The following ZNF708 variants were observed in gnomAD, a reference collection of about 807,000 sequenced individuals.
The protein encoded by ZNF708 is zinc finger protein 708.
Under a neutral mutation model 47.0 loss-of-function variants are expected in ZNF708, and 44 were observed. The observed-to-expected ratio is 0.94, with a 90% CI of 0.74 to 1.20. The LOEUF (loss-of-function observed/expected upper bound fraction) is 1.20. ZNF708 is among the 50% of genes most tolerant of loss of function. The pLI, the probability that ZNF708 is intolerant of heterozygous loss-of-function variation, is 0.00. For missense variants in ZNF708, 557 were observed against 656.0 expected (o/e 0.85, Z 1.65); for synonymous variants, 184 against 218.5 (o/e 0.84, Z 1.39).
intron 3 of ZNF708, among the ~76,000 whole-genome samples, chr19:21,301,622 A>AAAAC (rs1326180253): frequency 6.6e-6 from 1 of 151,220 alleles, no homozygotes; most frequent in South Asian, 2.1e-4. Flanking sequence ...TCTCAAAAAT[A>AAAAC]AAACAAACAA....
intron 3 of ZNF708, among the ~76,000 whole-genome samples, chr19:21,295,115 T>A (rs1176251004): frequency 6.8e-6 from 1 of 147,994 alleles, no homozygotes; most frequent in African/African-American, 2.5e-5. Context: ...CACATACATC[T>A]TTATTTCTGG....
At chr19:21,322,869 G>C (rs1973180271) in intron 1 of ZNF708, among the ~76,000 whole-genome samples, 1 of 152,182 alleles carries the variant, frequency 6.6e-6, no homozygotes, top group African/African-American at 2.4e-5. Context: ...CCCTGACTCA[G>C]TCCCACACTG....
At chr19:21,317,288 C>CA (rs1973035984) in intron 1 of ZNF708, among the ~76,000 whole-genome samples, 7 of 151,962 alleles carry the variant, frequency 4.6e-5, no homozygotes, top group Admixed American at 4.6e-4. Flanking sequence ...TCAACAACAA[C>CA]AAAAAAGTCA....
At chr19:21,321,383 T>A (rs1183396927) in intron 1 of ZNF708, among the ~76,000 whole-genome samples, 1 of 151,452 alleles carries the variant, frequency 6.6e-6, no homozygotes, top group Non-Finnish European at 1.5e-5. Flanking sequence ...AGGTCAGGAG[T>A]TCGAGACCAG....
intron 3 of ZNF708, among the ~76,000 whole-genome samples, chr19:21,299,049 GT>G (rs1365148222): frequency 6.6e-6 from 1 of 152,190 alleles, no homozygotes; most frequent in Admixed American, 6.6e-5. Context: ...GGAATAATTG[GT>G]AGTTGTTTAA....
rs564329786 is a variant in ZNF708 at position 21,293,423 on chromosome 19, G to A, written c.1543C>T (p.Gln515Ter). 1 of 1,608,212 alleles carries A rather than the reference G, an allele frequency of 6.2e-7. No homozygotes were observed. Among genetic ancestry groups the A allele is most frequent in the East Asian group, 2.3e-5 (1 of 44,344 alleles). ...TTATGTTTCATAAGGGTTGAGGACT[G>A]GTTAAAAGCTTTGCCACATTCTTTA... ...KCKECGKAFNQSSTLMKHKII... is the reference protein window; with the variant it reads ...KCKECGKAFN Residue 515 changes from glutamine (Q) to a stop codon, truncating the protein, a stop_gained, in exon 4 of 4, where the codon CAG (glutamine) becomes TAG (stop). Transcript: ENST00000356929. LOFTEE classifies it high-confidence loss of function.
In ZNF708 at chr19:21,294,298, G is replaced by T; in HGVS notation, c.668C>A (p.Pro223His). ...NHKIIHTGEK[P>H]YKCEECGKAF... ...TTTTCCACATTCTTCACATTTGTAG[G>T]GTTTCTCTCCAGTATGAATTATCTT... The change falls in exon 4 of 4, where the codon CCC (proline) becomes CAC (histidine). Residue 223 changes from proline to histidine, a missense_variant. Coordinates refer to ENST00000356929, the MANE Select transcript of ZNF708 (RefSeq NM_021269.3). 1 of 1,612,738 alleles carries T rather than the reference G, an allele frequency of 6.2e-7. No homozygotes were observed. The highest frequency in any genetic ancestry group is 8.5e-7 in the Non-Finnish European group (1 of 1,179,768).
Position 21,293,608 on chromosome 19 carries a change from C to T in ZNF708, c.1358G>A (p.Cys453Tyr). ...TGAGGAGTAGTTAAAAGTTTTGCCA[C>T]ATTCTTCACATTTGTAGGGTTTGTC... Reference protein sequence around the residue: ...TEDKPYKCEECGKTFNYSSNF... With the variant: ...TEDKPYKCEEYGKTFNYSSNF... The change falls in exon 4 of 4, where the codon TGT becomes TAT. Residue 453 changes from cysteine to tyrosine, a missense_variant. By Grantham distance (194) the Cys-to-Tyr change is radical. Coordinates refer to ENST00000356929, the MANE Select transcript of ZNF708 (RefSeq NM_021269.3). 1 of 1,612,572 alleles carries T rather than the reference C, an allele frequency of 6.2e-7. No homozygotes were observed. The highest frequency in any genetic ancestry group is 8.5e-7 in the Non-Finnish European group (1 of 1,179,736).
chr19:21,294,576 C>T lies in ZNF708; in HGVS notation c.390G>A (p.Arg130=), dbSNP rs780740020. Residue 130 remains arginine (R), a synonymous_variant, in exon 4 of 4, where the codon CGG becomes CGA. Transcript: ENST00000356929. The part of the protein sequence containing the change: ...LHKGGHKGLN[R]CVTTTQSKIV... ...TTTTGCTCTGGGTAGTTGTCACACA[C>T]CGGTTAAGTCCCTTGTGACCTCCTT... 1.2e-5 allele frequency: 20 copies of T among 1,613,938 alleles called. No individual in the cohort carries two copies. The highest frequency in any genetic ancestry group is 2.2e-5 in the East Asian group (1 of 44,876).
At chr19:21,308,372 C>T (rs753923826) in intron 3 of ZNF708, among the ~76,000 whole-genome samples, 6 of 151,904 alleles carry the variant, frequency 3.9e-5, no homozygotes, top group South Asian at 2.1e-4. Context: ...CTCTGCCTCC[C>T]GGGTTCAAGC....
intron 3 of ZNF708, among the ~76,000 whole-genome samples, chr19:21,303,596 T>C (rs1972700997): frequency 6.6e-6 from 1 of 151,160 alleles, no homozygotes; most frequent in Non-Finnish European, 1.5e-5. Context: ...TAAATAAAAT[T>C]ATAAAAAAGA....
chr19:21,307,025 CAT>C (rs1313805254), intron 3 of ZNF708: 3 of 128,108 alleles, frequency 2.3e-5, no homozygotes, highest in Non-Finnish European at 5.1e-5. Context: ...CATAACATAA[CAT>C]AACATACATA....
intron 3 of ZNF708, among the ~76,000 whole-genome samples, chr19:21,307,153 TATAATATAAA>T (rs151297316): frequency 0.21 from 28,561 of 138,984 alleles, 2,891 homozygotes; most frequent in South Asian, 0.3. Context: ...TAAAATAAAA[TATAATATAAA>T]ATAAAATAAA....
At position 21,300,461 on chromosome 19, in the gene ZNF708, G is replaced by A. The variant is rs1448195712; in HGVS notation, c.227-5722C>T. ...GCGGAGGTTGCGGTGAGCTGAGATCGCACCATTGCACTCCAGCCTGGACAA... is the reference window on the plus strand; with the variant it reads ...GCGGAGGTTGCGGTGAGCTGAGATCACACCATTGCACTCCAGCCTGGACAA... On this transcript the variant is annotated intron_variant, in intron 3 of 3. Coordinates refer to ENST00000356929, the MANE Select transcript of ZNF708 (RefSeq NM_021269.3). Among the ~76,000 whole-genome samples the A allele has an allele frequency of 7.4e-5, 11 of 149,362 alleles. No homozygotes were observed. In the East Asian group the frequency reaches 1.2e-3, roughly 16 times the overall value.
rs1034582189 is a variant in ZNF708, at chr19:21,309,215, T to G, written c.226+31A>C. Reference sequence around the variant, plus strand: ...CTCTTTTACCTTTGGACCTCACATCTGTGTCATCTGTTGTGTTCACTCTCA... The same window carrying G: ...CTCTTTTACCTTTGGACCTCACATCGGTGTCATCTGTTGTGTTCACTCTCA... On this transcript the variant is annotated intron_variant, in intron 3 of 3. Transcript: ENST00000356929. The G allele has an allele frequency of 3.2e-6, 5 of 1,543,334 alleles. No individual in the cohort carries two copies. The African/African-American group carries it at 6.9e-5, about 21-fold the overall frequency.
chr19:21,304,067 G>A (rs1218616066), intron 3 of ZNF708, among the ~76,000 whole-genome samples: 2 of 152,106 alleles, frequency 1.3e-5, no homozygotes, highest in Non-Finnish European at 2.9e-5. Flanking sequence ...AGGAATACCT[G>A]AGAGTAGATA....
At chr19:21,310,714 G>A (rs1972882138) in intron 1 of ZNF708, 87 bp from the exon 2 acceptor site, 2 of 1,170,318 alleles carry the variant, frequency 1.7e-6, no homozygotes, top group African/African-American at 3.2e-5. Context: ...AGAGAGTAAA[G>A]AGAACTGGTT....
At chr19:21,327,248 G>A (rs528349771) in intron 1 of ZNF708, among the ~76,000 whole-genome samples, 5 of 152,030 alleles carry the variant, frequency 3.3e-5, no homozygotes, top group Non-Finnish European at 7.4e-5. Context: ...GATGTGTCTA[G>A]ACCGGGCGCG....
intron 3 of ZNF708, among the ~76,000 whole-genome samples, chr19:21,307,378 C>G (rs1467737498): frequency 6.6e-6 from 1 of 152,040 alleles, no homozygotes; most frequent in South Asian, 2.1e-4. Context: ...GTAATCCCAG[C>G]ACTTTGGGAA....
Sources: gnomAD v4.1 joint callset for allele counts (sites outside exome capture counted in the v4.1 genomes callset) on GRCh38, gnomAD v4.1.1 for gene constraint, MANE v1.5 for transcripts, NCBI Gene and HGNC (gene_info 2026-07-23, HGNC 2026-07-21) for gene names.